Variants in ZNF521 observed in about 807,000 individuals in gnomAD.
ZNF521 encodes LYST-interacting protein 3.
ZNF521 carries 14 observed loss-of-function variants against 105.5 expected under a neutral mutation model. The ratio of observed to expected loss-of-function variants is 0.13; its 90% CI spans 0.09 to 0.21. ZNF521 has a LOEUF of 0.21. ZNF521 is among the 10% of genes least tolerant of loss of function. ZNF521 has a pLI of 1.00. For synonymous variants in ZNF521, 635 were observed against 606.0 expected (o/e 1.05, Z -0.70); for missense variants, 1,233 against 1,629.7 (o/e 0.76, Z 4.19).
intron 6 of ZNF521, among the ~76,000 whole-genome samples, chr18:25,090,207 G>A (rs1455468998): frequency 2.6e-5 from 4 of 152,154 alleles, no homozygotes; most frequent in African/African-American, 7.2e-5. Context: ...TAGGAGACAC[G>A]CTATTAATAA....
intron 4 of ZNF521, among the ~76,000 whole-genome samples, chr18:25,195,707 C>T (rs1204812455): frequency 6.6e-6 from 1 of 151,618 alleles, no homozygotes; most frequent in African/African-American, 2.4e-5. Context: ...TTCATGGATG[C>T]TAGCTAAAAT....
At chr18:25,255,564 A>G (rs1177275348) in intron 3 of ZNF521, among the ~76,000 whole-genome samples, 1 of 152,136 alleles carries the variant, frequency 6.6e-6, no homozygotes, top group African/African-American at 2.4e-5. Context: ...TAATCTATAC[A>G]AGTCATTTAC....
At chr18:25,149,594 C>T (rs1233173550) in intron 5 of ZNF521, among the ~76,000 whole-genome samples, 3 of 152,090 alleles carry the variant, frequency 2.0e-5, no homozygotes, top group Non-Finnish European at 2.9e-5. Flanking sequence ...TGTTGCACCC[C>T]GATGTTCTAT....
intron 2 of ZNF521, among the ~76,000 whole-genome samples, chr18:25,340,666 G>A (rs572713110): frequency 7.4e-4 from 112 of 152,296 alleles, no homozygotes; most frequent in African/African-American, 2.5e-3. Context: ...GAACTCAGAA[G>A]TCACTGAGAC....
At chr18:25,324,443 T>C (rs1913100699) in intron 2 of ZNF521, among the ~76,000 whole-genome samples, 2 of 149,604 alleles carry the variant, frequency 1.3e-5, no homozygotes, top group East Asian at 1.9e-4. Context: ...TCCAACAAAC[T>C]AAAACCAAGT....
At chr18:25,139,657 C>T (rs1346165514) in intron 5 of ZNF521, among the ~76,000 whole-genome samples, 2 of 152,086 alleles carry the variant, frequency 1.3e-5, no homozygotes, top group African/African-American at 4.8e-5. Context: ...ATATTCTAGC[C>T]CAGGTCCACT....
At chr18:25,149,959 G>A (rs976818840) in intron 5 of ZNF521, among the ~76,000 whole-genome samples, 5 of 152,138 alleles carry the variant, frequency 3.3e-5, no homozygotes, top group African/African-American at 1.2e-4. Flanking sequence ...ATAACAGAGA[G>A]CAATAACTAT....
rs369437506 is a variant in ZNF521 at position 25,335,451 on chromosome 18, C to T, written c.41-13264G>A. 3.2e-4 allele frequency among the ~76,000 whole-genome samples: 49 copies of T among 152,318 alleles called. No homozygotes were observed. The South Asian group carries it at 9.9e-3, about 31-fold the overall frequency. The stretch of plus-strand genomic sequence containing the variant: ...CCTCGCCTAACCAGATGTCCATCCC[C>T]AGCCCTGGCTGACCTTTCGGGAAAC... On this transcript the variant is annotated intron_variant, in intron 2 of 7. Coordinates refer to ENST00000361524, the MANE Select transcript of ZNF521 (RefSeq NM_015461.3).
chr18:25,243,896 T>C (rs1432411542), intron 3 of ZNF521, among the ~76,000 whole-genome samples: 1 of 152,128 alleles, frequency 6.6e-6, no homozygotes, highest in East Asian at 1.9e-4. Flanking sequence ...AATACCAAAA[T>C]ACTTAGAAAA....
intron 3 of ZNF521, among the ~76,000 whole-genome samples, chr18:25,247,746 C>A (rs1469127937): frequency 1.3e-5 from 2 of 152,018 alleles, no homozygotes; most frequent in African/African-American, 2.4e-5. Context: ...TTCACCAGAG[C>A]CCTTTGGAGT....
At chr18:25,131,551 A>G (rs2034641187) in intron 5 of ZNF521, among the ~76,000 whole-genome samples, 1 of 152,126 alleles carries the variant, frequency 6.6e-6, no homozygotes, top group Admixed American at 6.5e-5. Flanking sequence ...TAAGACAAAT[A>G]TCTATCATGA....
intron 2 of ZNF521, among the ~76,000 whole-genome samples, chr18:25,323,742 C>T (rs1913057538): frequency 6.6e-6 from 1 of 152,196 alleles, no homozygotes; most frequent in African/African-American, 2.4e-5. Context: ...TGCTATGTTG[C>T]ACATAGCACG....
intron 2 of ZNF521, among the ~76,000 whole-genome samples, chr18:25,349,172 G>A (rs936992419): frequency 6.6e-6 from 1 of 152,064 alleles, no homozygotes; most frequent in African/African-American, 2.4e-5. Flanking sequence ...AACTCGGAAA[G>A]TTCTTCTTTC....
At chr18:25,131,597 G>C (rs1400479167) in intron 5 of ZNF521, among the ~76,000 whole-genome samples, 1 of 152,006 alleles carries the variant, frequency 6.6e-6, no homozygotes, top group Non-Finnish European at 1.5e-5. Context: ...TGCCAAATTT[G>C]ACCCAAGCTC....
At chr18:25,278,188 T>C (rs1910152065) in intron 3 of ZNF521, among the ~76,000 whole-genome samples, 1 of 152,194 alleles carries the variant, frequency 6.6e-6, no homozygotes, top group Admixed American at 6.5e-5. Context: ...CCCAAAAATG[T>C]GGTAATTCCA....
chr18:25,087,431 G>A (rs908864470), intron 7 of ZNF521, among the ~76,000 whole-genome samples: 2 of 152,192 alleles, frequency 1.3e-5, no homozygotes, highest in African/African-American at 4.8e-5. Flanking sequence ...GTACCACCAG[G>A]TAAGAATCTA....
chr18:25,085,271 C>T (rs2033595772), intron 7 of ZNF521, among the ~76,000 whole-genome samples: 2 of 149,962 alleles, frequency 1.3e-5, no homozygotes, highest in African/African-American at 2.4e-5. Context: ...TTATATTATA[C>T]ACATTATATA....
At chr18:25,141,906 C>T (rs1011733883) in intron 5 of ZNF521, among the ~76,000 whole-genome samples, 1 of 152,152 alleles carries the variant, frequency 6.6e-6, no homozygotes, top group African/African-American at 2.4e-5. Flanking sequence ...ATTCCATGCG[C>T]TAGGAAGTTT....
chr18:25,142,468 A>G (rs564291685), intron 5 of ZNF521, among the ~76,000 whole-genome samples: 3 of 152,312 alleles, frequency 2.0e-5, no homozygotes, highest in South Asian at 2.1e-4. Context: ...GTGGCCTTCA[A>G]TGGAATGACA....
Sources: allele counts gnomAD v4.1 joint callset (sites outside exome capture counted in the v4.1 genomes callset), GRCh38; gene constraint gnomAD v4.1.1; transcripts MANE v1.5; gene names NCBI Gene and HGNC (gene_info 2026-07-23, HGNC 2026-07-21).